SAMTOR: variants seen among roughly 807,000 people sequenced by gnomAD.
SAMTOR encodes S-adenosylmethionine sensor upstream of mTORC1.
At chr7:112,927,294 C>G in the SAMTOR span, among the ~76,000 whole-genome samples, 1 of 151,832 alleles carries the variant, frequency 6.6e-6, no homozygotes, top group Admixed American at 6.6e-5. Context: ...ATTAGGTCAA[C>G]TAATAATTAA....
the SAMTOR span, among the ~76,000 whole-genome samples, chr7:112,845,637 G>C: frequency 6.6e-6 from 1 of 152,168 alleles, no homozygotes; most frequent in Non-Finnish European, 1.5e-5. Context: ...CTGCTAGTGG[G>C]AGTGTAAATT....
the SAMTOR span, among the ~76,000 whole-genome samples, chr7:112,892,649 G>C: frequency 6.6e-4 from 101 of 152,118 alleles, 2 homozygotes; most frequent in Non-Finnish European, 1.3e-3. Context: ...GTGCATGCTT[G>C]TGGTGCCAGC....
At chr7:112,879,300 T>A in the SAMTOR span, among the ~76,000 whole-genome samples, 1 of 151,424 alleles carries the variant, frequency 6.6e-6, no homozygotes, top group African/African-American at 2.4e-5. Flanking sequence ...CAAGCCGCCA[T>A]GTGCAGCTGC....
At chr7:112,837,269 T>TACA in the SAMTOR span, among the ~76,000 whole-genome samples, 1 of 152,010 alleles carries the variant, frequency 6.6e-6, no homozygotes, top group Non-Finnish European at 1.5e-5. Context: ...ATGCTGCTGA[T>TACA]TTTTGTACAT....
the SAMTOR span, among the ~76,000 whole-genome samples, chr7:112,879,440 G>A: frequency 6.6e-6 from 1 of 151,986 alleles, no homozygotes; most frequent in Non-Finnish European, 1.5e-5. Context: ...TATAGCACAA[G>A]AATTAAGATG....
the SAMTOR span, among the ~76,000 whole-genome samples, chr7:112,881,019 G>A: frequency 4.6e-5 from 7 of 152,060 alleles, no homozygotes; most frequent in East Asian, 1.9e-4. Context: ...GTTCAGCTGC[G>A]GCTGCAGACC....
the SAMTOR span, among the ~76,000 whole-genome samples, chr7:112,870,520 C>G: frequency 1.3e-5 from 2 of 152,086 alleles, no homozygotes; most frequent in Non-Finnish European, 2.9e-5. Flanking sequence ...CCATCACAGG[C>G]CCTACAAGAG....
At chr7:112,850,892 AAC>A in the SAMTOR span, among the ~76,000 whole-genome samples, 1 of 152,244 alleles carries the variant, frequency 6.6e-6, no homozygotes, top group Admixed American at 6.5e-5. Context: ...AGTCAAAATC[AAC>A]ATACAAAAGT....
the SAMTOR span, among the ~76,000 whole-genome samples, chr7:112,884,017 C>A: frequency 6.6e-6 from 1 of 152,132 alleles, no homozygotes; most frequent in Non-Finnish European, 1.5e-5. Context: ...GAAGGAGAAG[C>A]AAACACGTCC....
the SAMTOR span, among the ~76,000 whole-genome samples, chr7:112,921,148 A>G: frequency 6.6e-6 from 1 of 152,198 alleles, no homozygotes; most frequent in East Asian, 1.9e-4. Context: ...AGTCAACCCT[A>G]AGCCAAAAGA....
chr7:112,845,544 T>C, the SAMTOR span, among the ~76,000 whole-genome samples: 1 of 152,092 alleles, frequency 6.6e-6, no homozygotes, highest in African/African-American at 2.4e-5. Context: ...TGAGATACCA[T>C]CTCACACAAG....
the SAMTOR span, among the ~76,000 whole-genome samples, chr7:112,839,220 A>G: frequency 6.6e-6 from 1 of 151,992 alleles, no homozygotes; most frequent in East Asian, 1.9e-4. Context: ...TTTCACCATC[A>G]TAAGAATGAA....
the SAMTOR span, among the ~76,000 whole-genome samples, chr7:112,877,189 T>C: frequency 1.3e-5 from 2 of 152,196 alleles, no homozygotes; most frequent in Non-Finnish European, 2.9e-5. Context: ...GAGGGCCTAG[T>C]ATGTGCTGCC....
chr7:112,890,762 C>A, the SAMTOR span, among the ~76,000 whole-genome samples: 33 of 151,800 alleles, frequency 2.2e-4, no homozygotes, highest in African/African-American at 7.0e-4. Flanking sequence ...GTGATCTCTA[C>A]TCACTGCAAC....
the SAMTOR span, chr7:112,939,487 A>C: frequency 6.4e-7 from 1 of 1,553,176 alleles, no homozygotes; most frequent in Non-Finnish European, 8.7e-7. Flanking sequence ...GGACGTGCAG[A>C]TCCTTTACAT....
the SAMTOR span, among the ~76,000 whole-genome samples, chr7:112,847,681 G>GGCGGGAGAATTGCTTGAAC: frequency 6.6e-6 from 1 of 152,262 alleles, no homozygotes; most frequent in Non-Finnish European, 1.5e-5. Context: ...AGGAGGCTGA[G>GGCGGGAGAATTGCTTGAAC]GCGGGAGAAT....
the SAMTOR span, among the ~76,000 whole-genome samples, chr7:112,826,497 TCATGATGTTA>T: frequency 6.6e-6 from 1 of 152,168 alleles, no homozygotes; most frequent in Non-Finnish European, 1.5e-5. Context: ...GTAAAATCTG[TCATGATGTTA>T]CCTTTTTCTC....
the SAMTOR span, among the ~76,000 whole-genome samples, chr7:112,857,786 G>C: frequency 1.3e-5 from 2 of 152,176 alleles, no homozygotes; most frequent in East Asian, 3.8e-4. Context: ...GCTTTCCAGA[G>C]CCCATGAAGA....
the SAMTOR span, among the ~76,000 whole-genome samples, chr7:112,938,223 G>A: frequency 6.6e-6 from 1 of 152,068 alleles, no homozygotes; most frequent in South Asian, 2.1e-4. Flanking sequence ...CTAAATTGTG[G>A]GTTTGGGTAG....
Sources: gnomAD v4.1 joint callset for allele counts (sites outside exome capture counted in the v4.1 genomes callset) on GRCh38, gnomAD v4.1.1 for gene constraint, MANE v1.5 for transcripts, NCBI Gene and HGNC (gene_info 2026-07-23, HGNC 2026-07-21) for gene names.